Variants in CARMIL1 observed in about 807,000 individuals in gnomAD.
CARMIL1 encodes capping protein regulator and myosin 1 linker 1.
In CARMIL1, 90 loss-of-function variants were observed where a neutral mutation model predicts 177.1. The ratio of observed to expected loss-of-function variants is 0.51; its 90% CI spans 0.43 to 0.61. The LOEUF (loss-of-function observed/expected upper bound fraction) is 0.61, where lower values mean the gene tolerates loss of function less well. Ranked by LOEUF, CARMIL1 falls within the 20% of genes least tolerant of loss-of-function variation. The pLI is 0.00. For missense variants in CARMIL1, 1,380 were observed against 1,667.0 expected (o/e 0.83, Z 3.00); for synonymous variants, 577 against 606.2 (o/e 0.95, Z 0.71).
At chr6:25,443,316 A>C (rs1354109557) in intron 5 of CARMIL1, among the ~76,000 whole-genome samples, 3 of 152,248 alleles carry the variant, frequency 2.0e-5, no homozygotes, top group African/African-American at 7.2e-5. Flanking sequence ...ACCATTCCAA[A>C]TTGCCAGATT....
At position 25,495,230 on chromosome 6, in the gene CARMIL1, C is replaced by T; in HGVS notation, c.1325+15C>T. The stretch of plus-strand genomic sequence containing the variant: ...GAGCCCTTAAAGTGAGTGGTTAATT[C>T]ACTTTCTCCAGAGCTTTTAAAGTTC... On this transcript the variant is annotated intron_variant, in intron 16 of 36. Coordinates refer to ENST00000329474, the MANE Select transcript of CARMIL1 (RefSeq NM_017640.6). The T allele has an allele frequency of 1.3e-6, 2 of 1,526,160 alleles. No homozygotes were observed. The highest frequency in any genetic ancestry group is 1.8e-6 in the Non-Finnish European group (2 of 1,113,062). The allele number at this position is 1,526,160 out of a possible 1,614,324, so 94.5% of individuals were successfully genotyped here.
chr6:25,361,768 A>T (rs1013976508), intron 2 of CARMIL1, among the ~76,000 whole-genome samples: 1 of 152,122 alleles, frequency 6.6e-6, no homozygotes, highest in Non-Finnish European at 1.5e-5. Flanking sequence ...GGGGGTTCCC[A>T]TTGATGTTAC....
At chr6:25,547,923 A>G (rs1337761499) in intron 26 of CARMIL1, among the ~76,000 whole-genome samples, 1 of 152,168 alleles carries the variant, frequency 6.6e-6, no homozygotes, top group African/African-American at 2.4e-5. Context: ...GGGAAGAAAG[A>G]AAGTCTTCTC....
intron 24 of CARMIL1, among the ~76,000 whole-genome samples, chr6:25,529,959 A>G (rs2151102232): frequency 6.6e-6 from 1 of 152,228 alleles, no homozygotes; most frequent in Non-Finnish European, 1.5e-5. Context: ...GACATTAAAA[A>G]TATGAAAGCA....
chr6:25,519,736 A>G (rs762316527), intron 22 of CARMIL1, among the ~76,000 whole-genome samples: 10 of 152,220 alleles, frequency 6.6e-5, no homozygotes, highest in Non-Finnish European at 1.3e-4. Context: ...CCAGAAACTT[A>G]ATAGACTATT....
intron 29 of CARMIL1, among the ~76,000 whole-genome samples, chr6:25,561,656 T>C (rs1182245991): frequency 6.6e-6 from 1 of 152,202 alleles, no homozygotes; most frequent in Non-Finnish European, 1.5e-5. Context: ...AATACTATTT[T>C]TGAGAAGAAA....
At chr6:25,435,414 A>G (rs555661302) in intron 4 of CARMIL1, 69 bp from the exon 5 acceptor site, 2 of 1,491,286 alleles carry the variant, frequency 1.3e-6, no homozygotes, top group Non-Finnish European at 1.8e-6. Context: ...GTAGTTTACA[A>G]TATTTAAAAT....
At chr6:25,284,559 A>G (rs2150127251) in intron 1 of CARMIL1, among the ~76,000 whole-genome samples, 1 of 152,336 alleles carries the variant, frequency 6.6e-6, no homozygotes, top group South Asian at 2.1e-4. Flanking sequence ...AATACAAAAA[A>G]TTAGCCGGAC....
chr6:25,592,039 G>T (rs1017348103), intron 31 of CARMIL1, among the ~76,000 whole-genome samples: 2 of 148,492 alleles, frequency 1.3e-5, no homozygotes, highest in African/African-American at 2.5e-5. Flanking sequence ...GTAAAACTTT[G>T]TTTTTTTTTT....
intron 2 of CARMIL1, among the ~76,000 whole-genome samples, chr6:25,321,713 C>T (rs1784687035): frequency 6.6e-6 from 1 of 151,358 alleles, no homozygotes; most frequent in Non-Finnish European, 1.5e-5. Context: ...GGCTGGAGTG[C>T]AGTGGTGCGA....
chr6:25,342,866 C>T (rs563367389), intron 2 of CARMIL1, among the ~76,000 whole-genome samples: 12 of 152,320 alleles, frequency 7.9e-5, no homozygotes, highest in Admixed American at 7.8e-4. Context: ...CTTCTACCTT[C>T]CTCCTCCTCC....
At chr6:25,382,430 G>A (rs994465858) in intron 2 of CARMIL1, among the ~76,000 whole-genome samples, 1 of 152,142 alleles carries the variant, frequency 6.6e-6, no homozygotes, top group African/African-American at 2.4e-5. Flanking sequence ...AGCTCTTAAA[G>A]GTGGCACGGA....
chr6:25,601,178 T>G (rs1305127223), intron 33 of CARMIL1, among the ~76,000 whole-genome samples: 2 of 152,170 alleles, frequency 1.3e-5, no homozygotes, highest in Non-Finnish European at 2.9e-5. Flanking sequence ...AGCCTGTTGG[T>G]TAAATAGAAA....
Position 25,471,398 on chromosome 6 carries a change from C to A in CARMIL1, c.779+141C>A, listed in dbSNP as rs78248482. 453 of 562,582 alleles carry A rather than the reference C, an allele frequency of 8.1e-4. 2 individuals are homozygous for A. Among genetic ancestry groups the A allele is most frequent in the African/African-American group, 6.3e-3 (325 of 51,402 alleles). The allele number at this position is 562,582 out of a possible 1,614,324, so 34.8% of individuals were successfully genotyped here. A position where few individuals can be genotyped will look rare whatever the true frequency, so the allele number is the denominator to read the frequency against. ...GTTTTTCCTTCTGGGAAAAAAATAT[C>A]CCTATAATTGCCATCATCATGAAGG... On this transcript the variant is annotated intron_variant, in intron 10 of 36. Coordinates refer to ENST00000329474, the MANE Select transcript of CARMIL1 (RefSeq NM_017640.6).
At chr6:25,433,413 A>G (rs140450094) in intron 4 of CARMIL1, among the ~76,000 whole-genome samples, 148 of 152,350 alleles carry the variant, frequency 9.7e-4, no homozygotes, top group African/African-American at 3.2e-3. Flanking sequence ...GAGCACAGAC[A>G]CAATGGCACA....
chr6:25,391,107 A>G (rs1792774226), intron 2 of CARMIL1, among the ~76,000 whole-genome samples: 1 of 152,240 alleles, frequency 6.6e-6, no homozygotes, highest in Non-Finnish European at 1.5e-5. Flanking sequence ...GGTTTCCTTC[A>G]TAAGAGATAG....
At chr6:25,459,265 T>TCTTTCTTTCTTTTCTTTCTTTC (rs1562167771) in intron 8 of CARMIL1, among the ~76,000 whole-genome samples, 18 of 115,320 alleles carry the variant, frequency 1.6e-4, no homozygotes, top group Non-Finnish European at 3.0e-4. Flanking sequence ...TTTCTTTCTT[T>TCTTTCTTTCTTTTCTTTCTTTC]CTTTTTTTTT....
chr6:25,328,374 C>G (rs371291485), intron 2 of CARMIL1, among the ~76,000 whole-genome samples: 1 of 151,976 alleles, frequency 6.6e-6, no homozygotes, highest in Admixed American at 6.6e-5. Context: ...GGGCTTGGTC[C>G]GTCAAGACTG....
chr6:25,442,001 G>A (rs1301151483), intron 5 of CARMIL1, among the ~76,000 whole-genome samples: 1 of 152,012 alleles, frequency 6.6e-6, no homozygotes, highest in African/African-American at 2.4e-5. Flanking sequence ...ATATAAACAA[G>A]AGAAAGGTGG....
Sources: allele counts gnomAD v4.1 joint callset (sites outside exome capture counted in the v4.1 genomes callset), GRCh38; gene constraint gnomAD v4.1.1; transcripts MANE v1.5; gene names NCBI Gene and HGNC (gene_info 2026-07-23, HGNC 2026-07-21).